Variants in ADGRD1 observed in about 807,000 individuals in gnomAD.
ADGRD1 encodes the protein G-protein coupled receptor 133.
Under a neutral mutation model 113.4 loss-of-function variants are expected in ADGRD1, and 77 were observed. The observed-to-expected ratio is 0.68, with a 90% CI of 0.57 to 0.82. ADGRD1 has a LOEUF of 0.82. Ranked by LOEUF, ADGRD1 falls within the 40% of genes least tolerant of loss-of-function variation. The pLI is 0.00. For synonymous variants in ADGRD1, 474 were observed against 475.0 expected, an observed-to-expected ratio of 1.00 and a Z score of 0.03; for missense variants, 1,036 against 1,139.1, an observed-to-expected ratio of 0.91 and a Z score of 1.30.
At chr12:131,087,491 C>T (rs1265986495) in intron 15 of ADGRD1, among the ~76,000 whole-genome samples, 3 of 152,246 alleles carry the variant, frequency 2.0e-5, no homozygotes, top group Non-Finnish European at 4.4e-5. Flanking sequence ...GTGGAACTGC[C>T]AAGCCCTTGC....
chr12:131,071,989 AG>A (rs1885219927), intron 13 of ADGRD1, among the ~76,000 whole-genome samples: 1 of 149,826 alleles, frequency 6.7e-6, no homozygotes, highest in Admixed American at 6.6e-5. Flanking sequence ...ACCTGGGGCG[AG>A]GGGGTGATGT....
At position 131,006,026 on chromosome 12, in the gene ADGRD1, A is replaced by G; in HGVS notation, c.1310A>G (p.Asn437Ser). The G allele has an allele frequency of 6.2e-7, 1 of 1,610,730 alleles. No homozygotes were observed. ...CACAGCATGCACTACTACCTGAACAACATCTGGCCCGCCCACACCAAGTGA... is the reference window on the plus strand; with the variant it reads ...CACAGCATGCACTACTACCTGAACAGCATCTGGCCCGCCCACACCAAGTGA... ...LYHSMHYYLN[N>S]IWPAHTKIAE... Residue 437 changes from asparagine (N) to serine (S), a missense_variant, in exon 12 of 25, where the codon AAC becomes AGC. By Grantham distance (46) the Asn-to-Ser change is conservative. Coordinates refer to ENST00000261654, the MANE Select transcript of ADGRD1 (RefSeq NM_198827.5).
intron 5 of ADGRD1, among the ~76,000 whole-genome samples, chr12:130,985,059 C>A (rs1873486329): frequency 6.6e-6 from 1 of 151,834 alleles, no homozygotes; most frequent in African/African-American, 2.4e-5. Flanking sequence ...CTCAGTTGCC[C>A]AAGTAGCTGG....
chr12:131,066,382 G>A (rs1346661189), intron 13 of ADGRD1, among the ~76,000 whole-genome samples: 1 of 152,142 alleles, frequency 6.6e-6, no homozygotes, highest in Non-Finnish European at 1.5e-5. Flanking sequence ...TAGGGCTCGG[G>A]TGGCCTGTCA....
intron 8 of ADGRD1, among the ~76,000 whole-genome samples, chr12:130,999,471 T>C (rs1265596987): frequency 1.3e-5 from 2 of 152,238 alleles, no homozygotes; most frequent in Non-Finnish European, 2.9e-5. Flanking sequence ...GATAAACAAA[T>C]GCATGATGAG....
At chr12:130,997,302 G>C (rs1308503438) in intron 8 of ADGRD1, among the ~76,000 whole-genome samples, 1 of 150,546 alleles carries the variant, frequency 6.6e-6, no homozygotes, top group Non-Finnish European at 1.5e-5. Context: ...GCCTGGCGGG[G>C]GCTGACCCCC....
rs910440505 is a variant in ADGRD1, at chr12:131,140,279, G to T, written c.*1016G>T. 3.9e-5 allele frequency: 6 copies of T among 152,164 alleles called. No homozygotes were observed. Among genetic ancestry groups the T allele is most frequent in the Non-Finnish European group, 7.3e-5 (5 of 68,046 alleles). The allele number at this position is 152,164 out of a possible 1,614,324, so 9.4% of individuals were successfully genotyped here. On this transcript the variant is annotated 3_prime_UTR_variant, in exon 25 of 25. Transcript: ENST00000261654. Reference sequence around the variant, plus strand: ...GACCACGCGGCAGGTAGCACAGTGCGCTCCGTCTGGTCACCATGAGACCGA... The same window carrying T: ...GACCACGCGGCAGGTAGCACAGTGCTCTCCGTCTGGTCACCATGAGACCGA...
chr12:131,019,901 T>C (rs75263888), intron 13 of ADGRD1, among the ~76,000 whole-genome samples: 7 of 32,384 alleles, frequency 2.2e-4, no homozygotes, highest in Admixed American at 2.9e-4. Flanking sequence ...GGCAGGACCC[T>C]GAGCTCCATC....
chr12:131,087,599 G>A (rs888619509), intron 15 of ADGRD1, among the ~76,000 whole-genome samples: 2 of 152,196 alleles, frequency 1.3e-5, no homozygotes, highest in Non-Finnish European at 2.9e-5. Context: ...CCCGTTGCCC[G>A]CACCCTTCAG....
intron 15 of ADGRD1, among the ~76,000 whole-genome samples, chr12:131,085,992 G>A (rs543160824): frequency 6.6e-6 from 1 of 152,166 alleles, no homozygotes; most frequent in Non-Finnish European, 1.5e-5. Context: ...GAGGAGTCAG[G>A]ATGTCTCTGA....
intron 3 of ADGRD1, chr12:130,969,088 C>G: frequency 7.3e-7 from 1 of 1,376,172 alleles, no homozygotes; most frequent in Middle Eastern, 1.8e-4. Context: ...CATTTATGTA[C>G]TTTTGTTCTT....
At chr12:130,996,528 G>A (rs1319107645) in intron 8 of ADGRD1, among the ~76,000 whole-genome samples, 2 of 130,114 alleles carry the variant, frequency 1.5e-5, no homozygotes, top group Non-Finnish European at 3.4e-5. Flanking sequence ...GGCCGGGCGG[G>A]GGGCTGACCC....
At position 130,991,021 on chromosome 12, in the gene ADGRD1, T is replaced by C. The variant is rs55880621; in HGVS notation, c.753T>C (p.His251=). Residue 251 remains histidine (H), a synonymous_variant, in exon 7 of 25, where the codon CAT becomes CAC. Coordinates refer to ENST00000261654, the MANE Select transcript of ADGRD1 (RefSeq NM_198827.5). ...AMYFTAAIGK[H]ALLSSTLPSL... is the part of the protein sequence containing the mutation. ...CAGCATTGTTTCTTCCAGGAAAGCA[T>C]GCTTTATTGTCTTCAACGCTGCCAA... 1.0e-3 allele frequency: 1,612 copies of C among 1,613,930 alleles called. 10 individuals carry two copies. In the African/African-American group the frequency reaches 0.017, roughly 17 times the overall value.
At position 130,997,194 on chromosome 12, in the gene ADGRD1, C is replaced by A. The variant is rs1311880262; in HGVS notation, c.967-3189C>A. Among the ~76,000 whole-genome samples the A allele has an allele frequency of 3.5e-5, 5 of 141,464 alleles. 1 individual carries two copies. Among genetic ancestry groups the A allele is most frequent in the Admixed American group, 6.8e-5 (1 of 14,746 alleles). 92.8% of individuals were successfully genotyped at this position (141,464 alleles called of 152,430 possible). A position where few individuals can be genotyped will look rare whatever the true frequency, so the allele number is the denominator to read the frequency against. On this transcript the variant is annotated intron_variant, in intron 8 of 24. Transcript: ENST00000261654. ...CTTGCCGGGCGGGGGGCTGACCCCCCCCCCCGGACGGGGCAGCTGGCCGGG... is the reference window on the plus strand; with the variant it reads ...CTTGCCGGGCGGGGGGCTGACCCCCACCCCCGGACGGGGCAGCTGGCCGGG...
intron 13 of ADGRD1, among the ~76,000 whole-genome samples, chr12:131,048,312 A>G (rs945183154): frequency 2.1e-4 from 32 of 152,210 alleles, no homozygotes; most frequent in Admixed American, 1.9e-3. Flanking sequence ...CGCACTCCCC[A>G]GGGAGCACGT....
chr12:131,122,916 A>G (rs1268207946), intron 20 of ADGRD1, among the ~76,000 whole-genome samples: 1 of 151,748 alleles, frequency 6.6e-6, no homozygotes, highest in African/African-American at 2.4e-5. Context: ...CCCTTTTGTC[A>G]TTCCTGAGGG....
At position 130,966,791 on chromosome 12, in the gene ADGRD1, GC is replaced by G; in HGVS notation, c.187+246del. On this transcript the variant is annotated intron_variant, in intron 3 of 24. Transcript: ENST00000261654. This position sits in a 1 kb window ranked among gnomAD's most constrained non-coding sequence, Gnocchi z 4.6. ...AACTTCCCGTAATAGTTATTTCAAA[GC>G]TTTTTTTTTTGTAGAGATGGGGTCT... The G allele has an allele frequency of 2.6e-6, 1 of 380,798 alleles. No homozygotes were observed. Among genetic ancestry groups the G allele is most frequent in the Non-Finnish European group, 4.8e-6 (1 of 207,252 alleles). 23.6% of individuals were successfully genotyped at this position (380,798 alleles called of 1,614,324 possible). A position where few individuals can be genotyped will look rare whatever the true frequency, so the allele number is the denominator to read the frequency against.
At chr12:131,059,059 T>A (rs1431507543) in intron 13 of ADGRD1, among the ~76,000 whole-genome samples, 1 of 152,242 alleles carries the variant, frequency 6.6e-6, no homozygotes, top group African/African-American at 2.4e-5. Flanking sequence ...ATCTATTTTA[T>A]CTCTGTTGTT....
chr12:130,987,585 G>C, intron 6 of ADGRD1: 1 of 569,638 alleles, frequency 1.8e-6, no homozygotes, highest in South Asian at 2.1e-5. Context: ...ATCATCACGG[G>C]GTTTCAAGGT....
Sources: allele counts gnomAD v4.1 joint callset (sites outside exome capture counted in the v4.1 genomes callset), GRCh38; gene constraint gnomAD v4.1.1; non-coding constraint Gnocchi (gnomAD v3.1); transcripts MANE v1.5; gene names NCBI Gene and HGNC (gene_info 2026-07-23, HGNC 2026-07-21).